CACNA2D3: variants seen among roughly 807,000 people sequenced by gnomAD.
The protein encoded by CACNA2D3 is voltage-dependent calcium channel subunit alpha-2/delta-3.
In CACNA2D3, 60 loss-of-function variants were observed where a neutral mutation model predicts 160.6. That is an observed-to-expected ratio of 0.37 (90% CI 0.30 to 0.46). The LOEUF (loss-of-function observed/expected upper bound fraction) is 0.46, where lower values mean the gene tolerates loss of function less well. Among genes scored for constraint, CACNA2D3 ranks in the 20% least tolerant of loss-of-function variants. CACNA2D3 has a pLI of 1.00. For missense variants in CACNA2D3, 1,205 were observed against 1,365.0 expected (o/e 0.88, Z 1.85); for synonymous variants, 558 against 492.9 (o/e 1.13, Z -1.75).
At chr3:54,848,687 A>C (rs1462046303) in intron 17 of CACNA2D3, among the ~76,000 whole-genome samples, 4 of 152,220 alleles carry the variant, frequency 2.6e-5, no homozygotes, top group Non-Finnish European at 5.9e-5. Flanking sequence ...CTTCTGAGCA[A>C]AAGACGCAGC....
chr3:54,806,851 C>CA (rs1172391516), intron 13 of CACNA2D3, among the ~76,000 whole-genome samples: 2 of 152,110 alleles, frequency 1.3e-5, no homozygotes, highest in Non-Finnish European at 2.9e-5. Context: ...GATACCAAAA[C>CA]AGAGATATAG....
intron 2 of CACNA2D3, among the ~76,000 whole-genome samples, chr3:54,273,670 G>C (rs1246887252): frequency 6.6e-6 from 1 of 152,126 alleles, no homozygotes; most frequent in Non-Finnish European, 1.5e-5. Flanking sequence ...CAAACACAAG[G>C]TCCAGATGAC....
intron 2 of CACNA2D3, among the ~76,000 whole-genome samples, chr3:54,279,314 C>T (rs545571501): frequency 2.0e-5 from 3 of 152,128 alleles, no homozygotes; most frequent in Admixed American, 6.5e-5. Flanking sequence ...TGGCTGCAGG[C>T]GGGTGGGCAG....
At chr3:54,225,361 T>A (rs1701652681) in intron 2 of CACNA2D3, among the ~76,000 whole-genome samples, 1 of 152,238 alleles carries the variant, frequency 6.6e-6, no homozygotes. Context: ...TTCTGAAATT[T>A]CTTAACCACT....
At chr3:54,645,872 C>T (rs1448616641) in intron 11 of CACNA2D3, among the ~76,000 whole-genome samples, 5 of 152,142 alleles carry the variant, frequency 3.3e-5, no homozygotes, top group African/African-American at 1.2e-4. Context: ...CTGAGCAATC[C>T]TACTGCCTTT....
chr3:54,736,933 T>A (rs1019378404), intron 11 of CACNA2D3, among the ~76,000 whole-genome samples: 4 of 152,194 alleles, frequency 2.6e-5, no homozygotes, highest in African/African-American at 9.6e-5. Context: ...TGCAGTCGTA[T>A]CATGTATGGT....
chr3:54,761,756 G>C (rs1702084199), intron 12 of CACNA2D3, among the ~76,000 whole-genome samples: 1 of 152,184 alleles, frequency 6.6e-6, no homozygotes, highest in Non-Finnish European at 1.5e-5. Context: ...GGGCAGGCAG[G>C]AGTGACAATG....
intron 35 of CACNA2D3, among the ~76,000 whole-genome samples, chr3:55,036,100 TACCTGTGGGTGATTACATTAA>T (rs1703810419): frequency 6.6e-6 from 1 of 152,230 alleles, no homozygotes. Context: ...AGGGCACCTG[TACCTGTGGGTGATTACATTAA>T]ACCACTTGGC....
chr3:54,779,674 CCTT>C (rs1387166293), intron 13 of CACNA2D3, among the ~76,000 whole-genome samples: 16 of 152,180 alleles, frequency 1.1e-4, no homozygotes, highest in Admixed American at 5.9e-4. Context: ...ACATTCTTCT[CCTT>C]CTGAACTGGA....
At chr3:54,940,759 T>C (rs1398101391) in intron 27 of CACNA2D3, among the ~76,000 whole-genome samples, 2 of 152,156 alleles carry the variant, frequency 1.3e-5, no homozygotes, top group Non-Finnish European at 2.9e-5. Context: ...TATTATTCAG[T>C]TTATTTTTGC....
intron 12 of CACNA2D3, among the ~76,000 whole-genome samples, chr3:54,757,495 C>T (rs985481714): frequency 1.4e-4 from 22 of 152,220 alleles, no homozygotes; most frequent in African/African-American, 5.3e-4. Context: ...TGGTCATAGG[C>T]GACAGCAGGA....
chr3:54,210,426 G>A (rs180995868), intron 2 of CACNA2D3, among the ~76,000 whole-genome samples: 2 of 137,368 alleles, frequency 1.5e-5, no homozygotes, highest in African/African-American at 2.5e-5. Flanking sequence ...CAAAGTTTTT[G>A]TGTGTGTGTG....
intron 3 of CACNA2D3, among the ~76,000 whole-genome samples, chr3:54,330,567 G>C (rs1488849860): frequency 6.6e-6 from 1 of 152,124 alleles, no homozygotes; most frequent in Non-Finnish European, 1.5e-5. Flanking sequence ...TGCAGGAGTT[G>C]CCTTAGTAAA....
chr3:54,420,701 C>T (rs1421993361), intron 4 of CACNA2D3, among the ~76,000 whole-genome samples: 1 of 152,116 alleles, frequency 6.6e-6, no homozygotes, highest in Non-Finnish European at 1.5e-5. Flanking sequence ...CTATTATTGC[C>T]CCTACTTCAT....
intron 2 of CACNA2D3, among the ~76,000 whole-genome samples, chr3:54,205,044 A>G (rs772836844): frequency 2.6e-5 from 4 of 152,212 alleles, no homozygotes; most frequent in Non-Finnish European, 5.9e-5. Context: ...AACATTCCCC[A>G]TAAGTAGAAT....
intron 2 of CACNA2D3, chr3:54,273,257 T>C (rs1702658174): frequency 6.6e-6 from 1 of 152,250 alleles, no homozygotes; most frequent in Non-Finnish European, 1.5e-5. Flanking sequence ...GAGAAGGGTT[T>C]GGATTCGTCT....
intron 35 of CACNA2D3, among the ~76,000 whole-genome samples, chr3:55,036,552 C>T (rs767411874): frequency 1.3e-4 from 20 of 152,010 alleles, no homozygotes; most frequent in Admixed American, 2.6e-4. Context: ...ACTGCAACCT[C>T]CACCTCCTGG....
intron 4 of CACNA2D3, among the ~76,000 whole-genome samples, chr3:54,474,917 C>G (rs541430996): frequency 2.1e-4 from 32 of 152,284 alleles, no homozygotes; most frequent in African/African-American, 6.0e-4. Flanking sequence ...CAGAATGCCT[C>G]TGTAATCCAG....
intron 2 of CACNA2D3, among the ~76,000 whole-genome samples, chr3:54,278,817 C>T (rs1196156934): frequency 1.3e-5 from 2 of 151,998 alleles, no homozygotes; most frequent in African/African-American, 4.8e-5. Context: ...GGGAACATCA[C>T]ACACCAGGGC....
Sources: gnomAD v4.1 joint callset for allele counts (sites outside exome capture counted in the v4.1 genomes callset) on GRCh38, gnomAD v4.1.1 for gene constraint, MANE v1.5 for transcripts, NCBI Gene and HGNC (gene_info 2026-07-23, HGNC 2026-07-21) for gene names.